The following CACNA1I variants were observed in gnomAD, a reference collection of about 807,000 sequenced individuals.
CACNA1I encodes calcium voltage-gated channel subunit alpha1 I, also known as voltage-dependent T-type calcium channel subunit alpha-1I.
In CACNA1I, 74 loss-of-function variants were observed where a neutral mutation model predicts 201.6. That is an observed-to-expected ratio of 0.37 (90% CI 0.30 to 0.45). The LOEUF (loss-of-function observed/expected upper bound fraction) is 0.45. Among genes scored for constraint, CACNA1I ranks in the 20% least tolerant of loss-of-function variants. CACNA1I has a pLI of 1.00. For missense variants in CACNA1I, 2,346 were observed against 3,138.1 expected (o/e 0.75, Z 6.03); for synonymous variants, 1,431 against 1,345.2 (o/e 1.06, Z -1.40).
chr22:39,653,737 G>A (rs1243617709), intron 10 of CACNA1I, among the ~76,000 whole-genome samples: 2 of 152,212 alleles, frequency 1.3e-5, no homozygotes, highest in Non-Finnish European at 2.9e-5. Flanking sequence ...AGGTTAGATT[G>A]CAGTTGCTCA....
chr22:39,647,107 C>T (rs1379420461), intron 8 of CACNA1I, among the ~76,000 whole-genome samples: 1 of 152,274 alleles, frequency 6.6e-6, no homozygotes, highest in Non-Finnish European at 1.5e-5. Flanking sequence ...GGAACTCAGC[C>T]TTTGCCCTGG....
chr22:39,626,942 G>A (rs1933916182), intron 4 of CACNA1I, among the ~76,000 whole-genome samples: 1 of 152,212 alleles, frequency 6.6e-6, no homozygotes, highest in South Asian at 2.1e-4. Flanking sequence ...GGAAGTTAGT[G>A]GCATTGTGAC....
intron 3 of CACNA1I, among the ~76,000 whole-genome samples, chr22:39,602,469 G>C (rs1933096434): frequency 6.6e-6 from 1 of 152,054 alleles, no homozygotes; most frequent in Admixed American, 6.6e-5. Context: ...GTTTCCTGTG[G>C]TTTCCTGAGC....
rs1934935506 is a variant in CACNA1I at position 39,659,613 on chromosome 22, G to A, written c.2448+63G>A. 1.9e-6 allele frequency: 3 copies of A among 1,600,778 alleles called. No individual in the cohort carries two copies. Among genetic ancestry groups the A allele is most frequent in the Non-Finnish European group, 2.6e-6 (3 of 1,168,310 alleles). On this transcript the variant is annotated intron_variant, in intron 13 of 36. Transcript: ENST00000402142. This position sits in a 1 kb window ranked among gnomAD's most constrained non-coding sequence, Gnocchi z 4.3. Reference sequence around the variant, plus strand: ...CGATGGGACAGTAGGCCTGGGAGGGGCGGGGCTGACAACTCCCATGCCTCC... The same window carrying A: ...CGATGGGACAGTAGGCCTGGGAGGGACGGGGCTGACAACTCCCATGCCTCC...
chr22:39,590,760 G>A (rs560804972), intron 1 of CACNA1I, among the ~76,000 whole-genome samples: 1 of 152,202 alleles, frequency 6.6e-6, no homozygotes, highest in Non-Finnish European at 1.5e-5. Context: ...TGGGGATAAC[G>A]GTAGTATCAG....
chr22:39,580,839 A>G (rs1018134694), intron 1 of CACNA1I, among the ~76,000 whole-genome samples: 3 of 152,204 alleles, frequency 2.0e-5, no homozygotes, highest in South Asian at 4.1e-4. Context: ...GGCCCCTACA[A>G]TGGATACCGA....
At position 39,658,795 on chromosome 22, in the gene CACNA1I, C is replaced by T. The variant is rs1201301576; in HGVS notation, c.2145-136C>T. On this transcript the variant is annotated intron_variant, in intron 11 of 36. Transcript: ENST00000402142. ...ATTAGCTTGTGGCGTGGAGCAGCAT[C>T]CAACATATTTGTCAGATGGATGGAT... 4 of 769,780 alleles carry T rather than the reference C, an allele frequency of 5.2e-6. No homozygotes were observed. In the East Asian group the frequency reaches 1.1e-4, roughly 21 times the overall value. The allele number at this position is 769,780 out of a possible 1,614,324, so 47.7% of individuals were successfully genotyped here.
At chr22:39,654,346 T>G (rs1368338712) in intron 10 of CACNA1I, among the ~76,000 whole-genome samples, 1 of 152,146 alleles carries the variant, frequency 6.6e-6, no homozygotes, top group African/African-American at 2.4e-5. Flanking sequence ...CCCTGCAGCT[T>G]TATCATGTCC....
At chr22:39,571,261 G>C (rs1046518397) in intron 1 of CACNA1I, 8 of 523,636 alleles carry the variant, frequency 1.5e-5, no homozygotes, top group African/African-American at 3.8e-5. Flanking sequence ...AAGTCCTTGA[G>C]TGTGGGCCCC....
In CACNA1I at chr22:39,629,352, G is replaced by C. The variant is rs112826954; in HGVS notation, c.581-5213G>C. ...CACCCCCGCTGAAGGCCGCTCTGTG[G>C]CTCCAGGCCCCAAACCTTGGAGTCG... On this transcript the variant is annotated intron_variant, in intron 4 of 36. Coordinates refer to ENST00000402142, the MANE Select transcript of CACNA1I (RefSeq NM_021096.4). The surrounding 1 kb of genome is among the most constrained non-coding windows in gnomAD (Gnocchi z 4.8). Among the ~76,000 whole-genome samples the C allele has an allele frequency of 1.3e-5, 2 of 152,024 alleles. No individual in the cohort carries two copies. Among genetic ancestry groups the C allele is most frequent in the Non-Finnish European group, 2.9e-5 (2 of 67,994 alleles).
rs775512120 is a variant in CACNA1I at position 39,670,156 on chromosome 22, G to A, written c.4313G>A (p.Arg1438Gln). 1.1e-5 allele frequency: 17 copies of A among 1,614,016 alleles called. No homozygotes were observed. The highest frequency in any genetic ancestry group is 2.2e-5 in the South Asian group (2 of 91,086). The stretch of plus-strand genomic sequence containing the variant: ...GTGGTGGAGAACTTCCACAAGTGCC[G>A]GCAGCACCAGGAGGCTGAAGAGGCA... ...GVVVENFHKC[R>Q]QHQEAEEARR... Residue 1438 changes from arginine to glutamine, a missense_variant, in exon 25 of 37, where the codon CGG (arginine) becomes CAG (glutamine). By Grantham distance (43) the Arg-to-Gln change is conservative (BLOSUM62 1). Around this residue, in one of 13 missense-constraint regions of CACNA1I, gnomAD observed 228 missense variants for 395.7 expected, o/e 0.58. Transcript: ENST00000402142.
At chr22:39,655,735 C>T (rs2146439653) in intron 10 of CACNA1I, among the ~76,000 whole-genome samples, 1 of 152,294 alleles carries the variant, frequency 6.6e-6, no homozygotes, top group South Asian at 2.1e-4. Context: ...TGGGCTCCCA[C>T]TTGCTGTGTC....
At chr22:39,574,934 G>T (rs563603831) in intron 1 of CACNA1I, among the ~76,000 whole-genome samples, 1 of 152,366 alleles carries the variant, frequency 6.6e-6, no homozygotes, top group African/African-American at 2.4e-5. Flanking sequence ...GAAGCCTGGT[G>T]CTCCCTGACT....
Position 39,600,652 on chromosome 22 carries a change from G to C in CACNA1I, c.481G>C (p.Gly161Arg). ...CCTGGATTTCTTCATCGTCATGGCA[G>C]GGTAGGTAGCGCCCGCCAGGCAGGT... ...NRLDFFIVMA[G>R]MVEYSLDLQN... The change falls in exon 3 of 37, where the codon GGG becomes CGG. Residue 161 changes from glycine to arginine, a missense_variant and splice_region_variant. Coordinates refer to ENST00000402142, the MANE Select transcript of CACNA1I (RefSeq NM_021096.4). 1 of 1,598,928 alleles carries C rather than the reference G, an allele frequency of 6.3e-7. No individual in the cohort carries two copies. Among genetic ancestry groups the C allele is most frequent in the Non-Finnish European group, 8.5e-7 (1 of 1,173,912 alleles).
In CACNA1I at chr22:39,649,919, C is replaced by T. The variant is rs200507616; in HGVS notation, c.1986C>T (p.His662=). 143 of 1,613,106 alleles carry T rather than the reference C, an allele frequency of 8.9e-5. 2 individuals carry two copies. The East Asian group carries it at 2.3e-3, about 25-fold the overall frequency. ...VNTVSMGIEH[H]EQPEELTNIL... is the part of the protein sequence containing the mutation. ...CCGTCAGCATGGGCATCGAGCACCA[C>T]GAGCAGGCCAGTGCAGCGCAGCCGG... The change falls in exon 10 of 37, where the codon CAC becomes CAT. Residue 662 remains histidine (H), a synonymous_variant. Coordinates refer to ENST00000402142, the MANE Select transcript of CACNA1I (RefSeq NM_021096.4). The surrounding 1 kb of genome is among the most constrained non-coding windows in gnomAD (Gnocchi z 7.3).
chr22:39,641,725 G>A (rs911151670), intron 6 of CACNA1I, among the ~76,000 whole-genome samples: 3 of 152,236 alleles, frequency 2.0e-5, no homozygotes, highest in East Asian at 1.9e-4. Flanking sequence ...GCCTCATGGC[G>A]TGCAAAGGGC....
In CACNA1I at chr22:39,665,777, T is replaced by A. The variant is rs1474806263; in HGVS notation, c.3979-104T>A. ...GGAGGGAGACAGACATGGGCCCAGA[T>A]GACTGAGCACAAGACAGTCTGAGTA... On this transcript the variant is annotated intron_variant, in intron 22 of 36. Transcript: ENST00000402142. The surrounding 1 kb of genome is among the most constrained non-coding windows in gnomAD (Gnocchi z 5.5). 3 of 1,554,608 alleles carry A rather than the reference T, an allele frequency of 1.9e-6. No homozygotes were observed. Among genetic ancestry groups the A allele is most frequent in the Non-Finnish European group, 1.8e-6 (2 of 1,134,348 alleles).
Position 39,659,319 on chromosome 22 carries a change from C to A in CACNA1I, c.2331-114C>A. The A allele has an allele frequency of 4.3e-6, 4 of 940,352 alleles. No individual in the cohort carries two copies. Among genetic ancestry groups the A allele is most frequent in the Non-Finnish European group, 6.6e-6 (4 of 609,548 alleles). The allele number at this position is 940,352 out of a possible 1,614,324, so 58.3% of individuals were successfully genotyped here. A position where few individuals can be genotyped will look rare whatever the true frequency, so the allele number is the denominator to read the frequency against. ...GTTCATCTCTGTAAAATGGGACCAACGCTGCCCCGCCTCCCCCTGCCCTGC... is the reference window on the plus strand; with the variant it reads ...GTTCATCTCTGTAAAATGGGACCAAAGCTGCCCCGCCTCCCCCTGCCCTGC... On this transcript the variant is annotated intron_variant, in intron 12 of 36. Transcript: ENST00000402142. This position sits in a 1 kb window ranked among gnomAD's most constrained non-coding sequence, Gnocchi z 4.3.
intron 4 of CACNA1I, among the ~76,000 whole-genome samples, chr22:39,620,012 T>TCCATCCATCCATCC (rs1555905399): frequency 1.2e-4 from 11 of 92,916 alleles, no homozygotes; most frequent in East Asian, 7.9e-4. Flanking sequence ...TCCACCTGTC[T>TCCATCCATCCATCC]ATCCATCCAT....
Sources: allele counts gnomAD v4.1 joint callset (sites outside exome capture counted in the v4.1 genomes callset), GRCh38; gene constraint gnomAD v4.1.1; regional missense constraint gnomAD v4.1.1; non-coding constraint Gnocchi (gnomAD v3.1); transcripts MANE v1.5; gene names NCBI Gene and HGNC (gene_info 2026-07-23, HGNC 2026-07-21).